Variants in PER2 observed in about 807,000 individuals in gnomAD.
PER2 encodes period circadian protein homolog 2.
In PER2, 66 loss-of-function variants were observed where a neutral mutation model predicts 121.0. The observed-to-expected ratio is 0.55, with a 90% CI of 0.45 to 0.67. The LOEUF is 0.67. Ranked by LOEUF, PER2 falls within the 30% of genes least tolerant of loss-of-function variation. The pLI is 0.00. For synonymous variants in PER2, 684 were observed against 659.9 expected (o/e 1.04, Z -0.56); for missense variants, 1,521 against 1,635.0 (o/e 0.93, Z 1.20).
At chr2:238,271,228 G>A in intron 6 of PER2, 84 bp downstream of exon 6, 9 of 1,194,872 alleles carry the variant, frequency 7.5e-6, no homozygotes, top group East Asian at 2.3e-5. Flanking sequence ...GAGGCAGGGC[G>A]CCTGCACCAC....
At chr2:238,272,048 G>A (rs879882224) in intron 5 of PER2, among the ~76,000 whole-genome samples, 2 of 152,144 alleles carry the variant, frequency 1.3e-5, no homozygotes, top group African/African-American at 2.4e-5. Flanking sequence ...GACCAAAATC[G>A]GCCAGGAGTA....
intron 21 of PER2, among the ~76,000 whole-genome samples, chr2:238,249,813 T>G (rs976408475): frequency 6.6e-6 from 1 of 152,236 alleles, no homozygotes; most frequent in African/African-American, 2.4e-5. Context: ...CTCCTTCGCT[T>G]GTGCTCTTTT....
At chr2:238,275,096 G>T (rs1184844861) in intron 4 of PER2, among the ~76,000 whole-genome samples, 1 of 152,220 alleles carries the variant, frequency 6.6e-6, no homozygotes, top group African/African-American at 2.4e-5. Context: ...TGAAACGACT[G>T]ATAATAGAAT....
chr2:238,259,741 G>A (rs1398417190), intron 14 of PER2, among the ~76,000 whole-genome samples: 2 of 152,240 alleles, frequency 1.3e-5, no homozygotes, highest in Non-Finnish European at 2.9e-5. Context: ...CAGGCCTGCA[G>A]GGCATCAGGT....
chr2:238,261,571 C>A, intron 12 of PER2, 158 bp downstream of exon 12: 1 of 678,204 alleles, frequency 1.5e-6, no homozygotes, highest in Non-Finnish European at 2.7e-6. Context: ...CTCGGACTAG[C>A]ACAGTCTATG....
rs1376122529 is a variant in PER2, at chr2:238,252,912, G to A, written c.3111C>T (p.Thr1037=). ...SRDQQPKAPL[T]RDEPSDTQNS... ...GGAAAGAGCATCAGAAAATCCTTAC[G>A]GTCAGAGGCGCCTTCGGCTGCTGGT... The change falls in exon 19 of 23, where the codon ACC becomes ACT. Residue 1037 remains threonine, a splice_region_variant and synonymous_variant. Coordinates refer to ENST00000254657, the MANE Select transcript of PER2 (RefSeq NM_022817.3). This position sits in a 1 kb window ranked among gnomAD's most constrained non-coding sequence, Gnocchi z 4.2. 4.3e-6 allele frequency: 7 copies of A among 1,612,686 alleles called. No individual in the cohort carries two copies. Among genetic ancestry groups the A allele is most frequent in the Non-Finnish European group, 5.1e-6 (6 of 1,179,752 alleles).
At chr2:238,264,463 G>T (rs56360335) in intron 9 of PER2, among the ~76,000 whole-genome samples, 7,866 of 152,198 alleles carry the variant, frequency 0.052, 257 homozygotes, top group South Asian at 0.13. Context: ...GGGGGCCTGT[G>T]TCCCTGGGCC....
At chr2:238,256,686 G>C (rs1021208207) in intron 17 of PER2, among the ~76,000 whole-genome samples, 5 of 152,194 alleles carry the variant, frequency 3.3e-5, no homozygotes, top group Admixed American at 2.0e-4. Flanking sequence ...GTTGATGCCA[G>C]AACAGACAAC....
rs185316344 is a variant in PER2, at chr2:238,246,602, C to T, written c.3619-78G>A. 3.7e-4 allele frequency: 387 copies of T among 1,037,972 alleles called. 1 individual carries two copies. The highest frequency in any genetic ancestry group is 4.5e-4 in the Non-Finnish European group (311 of 683,806). 64.3% of individuals were successfully genotyped at this position (1,037,972 alleles called of 1,614,324 possible). ...ACAAAAGTCATTCAAATTGGCCGGG[C>T]GCGGTGGCTCACGCCTGTAATCCCA... On this transcript the variant is annotated intron_variant, in intron 22 of 22. Transcript: ENST00000254657.
chr2:238,267,333 CAA>C (rs1307628982), intron 8 of PER2, among the ~76,000 whole-genome samples: 1 of 152,194 alleles, frequency 6.6e-6, no homozygotes, highest in Non-Finnish European at 1.5e-5. Context: ...CTCTGAGCTT[CAA>C]GAGAAGAGCC....
chr2:238,279,880 G>A (rs1464606993), intron 1 of PER2, among the ~76,000 whole-genome samples: 1 of 152,190 alleles, frequency 6.6e-6, no homozygotes, highest in Admixed American at 6.5e-5. Flanking sequence ...AGAGTGCACT[G>A]GAGTCCAAAT....
In PER2 at chr2:238,253,738, T is replaced by G. The variant is rs1236069459; in HGVS notation, c.2321-36A>C. The G allele has an allele frequency of 6.6e-7, 1 of 1,506,650 alleles. No individual in the cohort carries two copies. The highest frequency in any genetic ancestry group is 9.1e-7 in the Non-Finnish European group (1 of 1,104,838). The allele number at this position is 1,506,650 out of a possible 1,614,324, so 93.3% of individuals were successfully genotyped here. On this transcript the variant is annotated intron_variant, in intron 18 of 22. Coordinates refer to ENST00000254657, the MANE Select transcript of PER2 (RefSeq NM_022817.3). This position sits in a 1 kb window ranked among gnomAD's most constrained non-coding sequence, Gnocchi z 5.6. ...AAAACAAATACTCGGAGTTAAAATT[T>G]TAACTCCAAATTTGAAGACACCTCT...
intron 5 of PER2, among the ~76,000 whole-genome samples, chr2:238,272,474 G>T (rs1696319331): frequency 6.6e-6 from 1 of 152,230 alleles, no homozygotes; most frequent in African/African-American, 2.4e-5. Context: ...GCTGCCTGGG[G>T]GTTACGCTGG....
At chr2:238,297,041 G>T in the PER2 span, among the ~76,000 whole-genome samples, 15 of 152,186 alleles carry the variant, frequency 9.9e-5, no homozygotes, top group Non-Finnish European at 1.3e-4. Flanking sequence ...GGCCTCAAAG[G>T]AAGAGTCACA....
chr2:238,259,199 A>C (rs1453058916), intron 14 of PER2, among the ~76,000 whole-genome samples: 1 of 152,202 alleles, frequency 6.6e-6, no homozygotes, highest in Non-Finnish European at 1.5e-5. Context: ...CAGCATGTCC[A>C]CCAACACATC....
chr2:238,276,190 T>G (rs1301986067), intron 3 of PER2, among the ~76,000 whole-genome samples: 2 of 152,084 alleles, frequency 1.3e-5, no homozygotes, highest in African/African-American at 4.8e-5. Context: ...AGAGATGTTC[T>G]GGTCTGGGTG....
intron 6 of PER2, among the ~76,000 whole-genome samples, chr2:238,269,624 G>A (rs940207746): frequency 2.7e-5 from 4 of 150,594 alleles, no homozygotes; most frequent in African/African-American, 9.8e-5. Context: ...CACACTCACG[G>A]TGCACTGCTG....
chr2:238,273,831 C>T lies in PER2; in HGVS notation c.449-640G>A, dbSNP rs55929557. 2.6e-5 allele frequency among the ~76,000 whole-genome samples: 4 copies of T among 152,196 alleles called. No homozygotes were observed. The East Asian group carries it at 5.8e-4, about 22-fold the overall frequency. The stretch of plus-strand genomic sequence containing the variant: ...TACAGGCACGTGCCACCACGCCCAG[C>T]TAATTTTTGTATTTTTAGTAGAGAT... On this transcript the variant is annotated intron_variant, in intron 4 of 22. Transcript: ENST00000254657.
At chr2:238,297,869 T>C in the PER2 span, among the ~76,000 whole-genome samples, 1 of 152,174 alleles carries the variant, frequency 6.6e-6, no homozygotes, top group Admixed American at 6.5e-5. Context: ...GACCAGGGCA[T>C]TGGCGTTCAC....
Sources: allele counts gnomAD v4.1 joint callset (sites outside exome capture counted in the v4.1 genomes callset), GRCh38; gene constraint gnomAD v4.1.1; non-coding constraint Gnocchi (gnomAD v3.1); transcripts MANE v1.5; gene names NCBI Gene and HGNC (gene_info 2026-07-23, HGNC 2026-07-21).